DIAPH2: variants seen among roughly 807,000 people sequenced by gnomAD.
DIAPH2 encodes the protein diaphanous related formin 2, also known as protein diaphanous homolog 2.
A neutral mutation model predicts 92.7 loss-of-function variants in DIAPH2; 35 were observed. The ratio of observed to expected loss-of-function variants is 0.38; its 90% CI spans 0.29 to 0.50. The LOEUF is 0.50. Ranked by LOEUF, DIAPH2 falls within the 20% of genes least tolerant of loss-of-function variation. The pLI is 0.94. For missense variants in DIAPH2, 701 were observed against 819.5 expected, an observed-to-expected ratio of 0.86 and a Z score of 1.77; for synonymous variants, 301 against 280.4, an observed-to-expected ratio of 1.07 and a Z score of -0.73.
At chrX:96,976,865 A>C (rs1011764639) in intron 17 of DIAPH2, among the ~76,000 whole-genome samples, 4 of 111,514 alleles carry the variant, frequency 3.6e-5, no homozygotes, top group African/African-American at 9.8e-5. Context: ...TTATATCCCA[A>C]GAGCGATTAT....
intron 23 of DIAPH2, among the ~76,000 whole-genome samples, chrX:97,288,740 CAA>C (rs1167955541): frequency 2.9e-4 from 15 of 52,429 alleles, no homozygotes; most frequent in Admixed American, 1.0e-3. Context: ...GACTCTGTCT[CAA>C]AAAAAAAAAA....
intron 26 of DIAPH2, among the ~76,000 whole-genome samples, chrX:97,583,462 G>T (rs1468327728): frequency 1.8e-5 from 2 of 110,090 alleles, no homozygotes; most frequent in Middle Eastern, 4.6e-3. Context: ...CCCTGCTGGA[G>T]GGTGCCTCCC....
At chrX:96,707,751 AC>A (rs1431676329) in intron 1 of DIAPH2, among the ~76,000 whole-genome samples, 1 of 111,774 alleles carries the variant, frequency 8.9e-6, no homozygotes, top group African/African-American at 3.3e-5. Flanking sequence ...TGATTTAATG[AC>A]AACCACTTCT....
At chrX:96,942,962 A>G (rs2065714634) in intron 13 of DIAPH2, among the ~76,000 whole-genome samples, 1 of 99,281 alleles carries the variant, frequency 1.0e-5, no homozygotes, top group Admixed American at 1.0e-4. Context: ...TCAAAGATGG[A>G]TAACTTATTA....
intron 24 of DIAPH2, among the ~76,000 whole-genome samples, chrX:97,381,759 T>A: frequency 8.9e-6 from 1 of 112,004 alleles, no homozygotes; most frequent in East Asian, 2.8e-4. Context: ...GAACAAATAA[T>A]ACCTACTTTG....
intron 1 of DIAPH2, among the ~76,000 whole-genome samples, chrX:96,690,053 T>C (rs2063791428): frequency 9.1e-6 from 1 of 110,383 alleles, no homozygotes. Context: ...TCTTTGTCTT[T>C]TCTCCAATTT....
In DIAPH2 at chrX:97,603,957, C is replaced by G. The variant is rs1169195720; in HGVS notation, c.*4640C>G. On this transcript the variant is annotated 3_prime_UTR_variant, in exon 27 of 27. Transcript: ENST00000324765. Reference sequence around the variant, plus strand: ...TTGTTACAGAAGTACCCAATCCGTCCCAGTTCCACAATCTGCATTAGATTC... The same window carrying G: ...TTGTTACAGAAGTACCCAATCCGTCGCAGTTCCACAATCTGCATTAGATTC... 3 of 112,399 alleles carry G rather than the reference C, an allele frequency of 2.7e-5. No individual in the cohort carries two copies. The highest frequency in any genetic ancestry group is 5.6e-5 in the Non-Finnish European group (3 of 53,278). 9.3% of individuals were successfully genotyped at this position (112,399 alleles called of 1,213,427 possible).
chrX:97,376,277 A>G (rs748744086), intron 24 of DIAPH2, among the ~76,000 whole-genome samples: 57 of 111,543 alleles, frequency 5.1e-4, no homozygotes, highest in African/African-American at 1.6e-3. Flanking sequence ...GTCAAATATG[A>G]TATCCTAACA....
intron 15 of DIAPH2, 126 bp from the exon 16 acceptor site, chrX:96,957,702 T>C (rs1421719695): frequency 1.9e-6 from 1 of 532,863 alleles, no homozygotes; most frequent in Non-Finnish European, 3.0e-6. Flanking sequence ...TTTAGTAATA[T>C]CTAAAAAAGT....
chrX:97,308,477 A>G (rs1283831163), intron 23 of DIAPH2, among the ~76,000 whole-genome samples: 1 of 110,377 alleles, frequency 9.1e-6, no homozygotes, highest in Non-Finnish European at 1.9e-5. Flanking sequence ...TACAAGTCTT[A>G]TGTGTTAAAA....
At chrX:97,556,962 G>A (rs150763789) in intron 26 of DIAPH2, among the ~76,000 whole-genome samples, 1 of 112,045 alleles carries the variant, frequency 8.9e-6, no homozygotes, top group African/African-American at 3.2e-5. Context: ...GTCTCAGGAA[G>A]CCCAAAATGT....
At chrX:96,901,142 T>C (rs1329783433) in intron 5 of DIAPH2, among the ~76,000 whole-genome samples, 2 of 111,356 alleles carry the variant, frequency 1.8e-5, no homozygotes, top group African/African-American at 6.5e-5. Flanking sequence ...TTTCCTTGCT[T>C]GTTACTGGTC....
chrX:97,387,773 C>T (rs1030249035), intron 25 of DIAPH2, among the ~76,000 whole-genome samples: 1 of 111,701 alleles, frequency 9.0e-6, no homozygotes, highest in African/African-American at 3.3e-5. Context: ...TTGACAGGTG[C>T]TGATGATTGA....
intron 25 of DIAPH2, among the ~76,000 whole-genome samples, chrX:97,390,450 G>A (rs1002961106): frequency 9.1e-6 from 1 of 110,366 alleles, no homozygotes; most frequent in African/African-American, 3.3e-5. Flanking sequence ...GAACTCCTGA[G>A]ATTAAGCGAT....
At chrX:96,782,756 A>T (rs896703555) in intron 4 of DIAPH2, among the ~76,000 whole-genome samples, 4 of 111,182 alleles carry the variant, frequency 3.6e-5, no homozygotes, top group Non-Finnish European at 7.5e-5. Context: ...TTATTTATTT[A>T]AAATATTTAG....
chrX:97,170,882 T>A (rs1213235311), intron 22 of DIAPH2, among the ~76,000 whole-genome samples: 1 of 110,359 alleles, frequency 9.1e-6, no homozygotes. Context: ...TTTATTTATT[T>A]ATTTATTTTT....
intron 21 of DIAPH2, 47 bp from the exon 22 acceptor site, chrX:97,141,618 G>A (rs765222213): frequency 1.4e-5 from 16 of 1,110,616 alleles, no homozygotes; most frequent in Non-Finnish European, 1.6e-5. Context: ...GTTTAAAAAA[G>A]TATTTACTAA....
chrX:97,040,175 G>GTT (rs1337386799), intron 17 of DIAPH2, among the ~76,000 whole-genome samples: 5 of 96,578 alleles, frequency 5.2e-5, no homozygotes, highest in Admixed American at 1.1e-4. Context: ...ACCCTTGAGG[G>GTT]TTTTTTTTTT....
At chrX:96,722,913 C>T (rs755393151) in intron 1 of DIAPH2, among the ~76,000 whole-genome samples, 1 of 111,571 alleles carries the variant, frequency 9.0e-6, no homozygotes, top group Non-Finnish European at 1.9e-5. Flanking sequence ...AACTGTGTCA[C>T]CCTTTCAATA....
Sources: allele counts gnomAD v4.1 joint callset (sites outside exome capture counted in the v4.1 genomes callset), GRCh38; gene constraint gnomAD v4.1.1; transcripts MANE v1.5; gene names NCBI Gene and HGNC (gene_info 2026-07-23, HGNC 2026-07-21).